Variants in PHLDB1 observed in about 807,000 individuals in gnomAD.
PHLDB1 encodes the protein pleckstrin homology like domain family B member 1, also known as pleckstrin homology-like domain family B member 1.
PHLDB1 carries 65 observed loss-of-function variants against 139.3 expected under a neutral mutation model. The observed-to-expected ratio is 0.47, with a 90% CI of 0.38 to 0.57. The LOEUF (loss-of-function observed/expected upper bound fraction) is 0.57, where lower values mean the gene tolerates loss of function less well. PHLDB1 is among the 20% of genes least tolerant of loss of function. The pLI is 0.00. For synonymous variants in PHLDB1, 679 were observed against 734.5 expected (o/e 0.92, Z 1.22); for missense variants, 1,624 against 1,839.7 (o/e 0.88, Z 2.14).
At chr11:118,656,134 A>G (rs1355164694) in intron 22 of PHLDB1, among the ~76,000 whole-genome samples, 1 of 151,126 alleles carries the variant, frequency 6.6e-6, no homozygotes, top group Non-Finnish European at 1.5e-5. Context: ...GGATGGCCGG[A>G]AGGGGTGGAG....
Position 118,627,536 on chromosome 11 carries a change from GC to G in PHLDB1, c.717del (p.Gly240AlafsTer74). ...GGRYLLSPPTSPGAMSVGSSY... is the reference protein window; with the variant it reads ...GGRYLLSPPTXPGAMSVGSSY... ...CGCTACCTGCTGTCTCCCCCAACCA[GC>G]CCCGGCGCCATGTCTGTGGGCTCCA... On this transcript the variant is annotated frameshift_variant, in exon 6 of 23. Coordinates refer to ENST00000600882, the MANE Select transcript of PHLDB1 (RefSeq NM_001144758.3). LOFTEE classifies it high-confidence loss of function. 6.2e-7 allele frequency: 1 copy of G among 1,614,160 alleles called. No homozygotes were observed. The highest frequency in any genetic ancestry group is 8.5e-7 in the Non-Finnish European group (1 of 1,180,024).
intron 4 of PHLDB1, among the ~76,000 whole-genome samples, chr11:118,622,990 A>G (rs1555096568): frequency 6.6e-6 from 1 of 152,170 alleles, no homozygotes; most frequent in Non-Finnish European, 1.5e-5. Context: ...GTTATCTGCC[A>G]TGGGCTTCTC....
At chr11:118,636,727 G>A (rs551331998) in intron 10 of PHLDB1, 1 of 152,284 alleles carries the variant, frequency 6.6e-6, no homozygotes, top group South Asian at 2.1e-4. Flanking sequence ...CAAATCCCAC[G>A]TTCCTTCGAC....
chr11:118,629,349 G>A (rs1944404342), intron 6 of PHLDB1, among the ~76,000 whole-genome samples: 1 of 152,242 alleles, frequency 6.6e-6, no homozygotes, highest in South Asian at 2.1e-4. Flanking sequence ...CAGGGGCTGG[G>A]TGTGGCTCTA....
chr11:118,639,290 C>G (rs372189908), intron 12 of PHLDB1, 39 bp downstream of exon 12: 17 of 1,511,386 alleles, frequency 1.1e-5, no homozygotes, highest in Non-Finnish European at 1.6e-5. Context: ...AGGCCCAAGG[C>G]GTGTCCTGGG....
intron 6 of PHLDB1, chr11:118,629,862 A>T: frequency 2.5e-6 from 1 of 404,666 alleles, no homozygotes; most frequent in Non-Finnish European, 4.4e-6. Context: ...CCATTCCCAC[A>T]CATAAGCACA....
rs1370511049 is a variant in PHLDB1, at chr11:118,627,886, C to T, written c.1063C>T (p.Gln355Ter). The part of the protein sequence containing the change: ...RATESPRLGG[Q>*]LPVVAISLSE... ...CACTGAGAGCCCCCGGCTGGGTGGG[C>T]AGCTGCCTGTGGTGGCCATCAGCCT... Residue 355 changes from glutamine (Q) to a stop codon, truncating the protein, a stop_gained, in exon 6 of 23, where the codon CAG becomes TAG. Transcript: ENST00000600882. LOFTEE classifies it high-confidence loss of function. The T allele has an allele frequency of 6.2e-7, 1 of 1,610,298 alleles. No homozygotes were observed. Among genetic ancestry groups the T allele is most frequent in the Non-Finnish European group, 8.5e-7 (1 of 1,179,952 alleles).
At chr11:118,624,912 C>G (rs1424613236) in intron 4 of PHLDB1, 22 bp from the exon 5 acceptor site, 4 of 1,613,666 alleles carry the variant, frequency 2.5e-6, no homozygotes, top group East Asian at 2.2e-5. Context: ...ACCTGGTCTT[C>G]AAGTGTTTGC....
chr11:118,635,385 C>T lies in PHLDB1; in HGVS notation c.2380-8C>T. 1 of 1,571,756 alleles carries T rather than the reference C, an allele frequency of 6.4e-7. No homozygotes were observed. The highest frequency in any genetic ancestry group is 8.6e-7 in the Non-Finnish European group (1 of 1,161,224). ...ACCACCCAACCCCCTTTGTCACTGT[C>T]GTTGAAGGAGGCAGAGGCCCTGGAG... On this transcript the variant is annotated splice_polypyrimidine_tract_variant and splice_region_variant and intron_variant, in intron 9 of 22. Coordinates refer to ENST00000600882, the MANE Select transcript of PHLDB1 (RefSeq NM_001144758.3).
chr11:118,641,779 C>G (rs1420040315), intron 12 of PHLDB1: 1 of 1,288,746 alleles, frequency 7.8e-7, no homozygotes, highest in African/African-American at 1.5e-5. Flanking sequence ...CACGCCTTCA[C>G]CTAAGGTTGG....
rs1944186174 is a variant in PHLDB1 at position 118,628,146 on chromosome 11, TG to T, written c.1324del (p.Glu442ArgfsTer19). 1.9e-6 allele frequency: 3 copies of T among 1,614,038 alleles called. No homozygotes were observed. The highest frequency in any genetic ancestry group is 2.5e-6 in the Non-Finnish European group (3 of 1,179,986). On this transcript the variant is annotated frameshift_variant, in exon 6 of 23. Transcript: ENST00000600882. LOFTEE classifies it high-confidence loss of function. Reference protein sequence around the residue: ...GLATRTLQPPESPRLGRRGLD... With the variant: ...GLATRTLQPPXSPRLGRRGLD... ...TAGCCACCCGTACCCTGCAGCCTCCTGAGAGTCCCCGCCTGGGCCGGCGGGG... is the reference window on the plus strand; with the variant it reads ...TAGCCACCCGTACCCTGCAGCCTCCTAGAGTCCCCGCCTGGGCCGGCGGGG...
At chr11:118,636,391 G>A (rs1945654757) in intron 10 of PHLDB1, among the ~76,000 whole-genome samples, 1 of 152,146 alleles carries the variant, frequency 6.6e-6, no homozygotes, top group Admixed American at 6.5e-5. Context: ...GGTAAGTGGG[G>A]AGCTGCTGGA....
chr11:118,614,505 G>T (rs1392902542), intron 2 of PHLDB1, 54 bp from the exon 3 acceptor site: 1 of 1,602,386 alleles, frequency 6.2e-7, no homozygotes, highest in African/African-American at 1.3e-5. Context: ...ACTGGTTTAG[G>T]GTGGTAAGGT....
intron 10 of PHLDB1, 69 bp downstream of exon 10, chr11:118,635,617 C>T: frequency 7.4e-7 from 1 of 1,342,680 alleles, no homozygotes; most frequent in Non-Finnish European, 9.8e-7. Flanking sequence ...TCCCAATGAC[C>T]TCACAAAAGT....
Position 118,623,994 on chromosome 11 carries a change from G to C in PHLDB1, c.356-940G>C, listed in dbSNP as rs142941747. 5.2e-3 allele frequency: 789 copies of C among 151,854 alleles called. 4 individuals carry two copies. The highest frequency in any genetic ancestry group is 8.6e-3 in the Admixed American group (131 of 15,216). 9.4% of individuals were successfully genotyped at this position (151,854 alleles called of 1,614,324 possible). Reference sequence around the variant, plus strand: ...GGCTCACTGCAGCCTCTGCCTCCTGGATTCAAGCAATTCTCTTGCCTCAGC... The same window carrying C: ...GGCTCACTGCAGCCTCTGCCTCCTGCATTCAAGCAATTCTCTTGCCTCAGC... On this transcript the variant is annotated intron_variant, in intron 4 of 22. Transcript: ENST00000600882.
intron 2 of PHLDB1, 126 bp downstream of exon 2, chr11:118,614,022 T>A: frequency 1.5e-6 from 1 of 653,252 alleles, no homozygotes; most frequent in Admixed American, 2.4e-5. Flanking sequence ...CTTCCCCAGG[T>A]CCCAAGCCTA....
chr11:118,650,069 G>A lies in PHLDB1; in HGVS notation c.3655-8G>A. 6.2e-7 allele frequency: 1 copy of A among 1,606,738 alleles called. No homozygotes were observed. Among genetic ancestry groups the A allele is most frequent in the Non-Finnish European group, 8.5e-7 (1 of 1,173,236 alleles). On this transcript the variant is annotated splice_region_variant and splice_polypyrimidine_tract_variant and intron_variant, in intron 18 of 22. Transcript: ENST00000600882. The surrounding 1 kb of genome is among the most constrained non-coding windows in gnomAD (Gnocchi z 4.7). ...GGAGACTCTCCTGACCCTCCCTCTT[G>A]CTCCCAGGCACGACCCCTGACCCGC... is the stretch of plus-strand genomic sequence containing the variant.
At position 118,625,071 on chromosome 11, in the gene PHLDB1, C is replaced by G. The variant is rs367840109; in HGVS notation, c.481+12C>G. ...CAGCCCTGTTCCTGGTAGGTACCGA[C>G]GGGGGCAGGGTGCTGGGTTGATGGT... On this transcript the variant is annotated intron_variant, in intron 5 of 22. Coordinates refer to ENST00000600882, the MANE Select transcript of PHLDB1 (RefSeq NM_001144758.3). 1.3e-6 allele frequency: 2 copies of G among 1,590,098 alleles called. No individual in the cohort carries two copies.
Position 118,657,467 on chromosome 11 carries a change from C to T in PHLDB1, c.*644C>T, listed in dbSNP as rs1949173094. The T allele has an allele frequency of 6.5e-6, 1 of 152,976 alleles. No homozygotes were observed. Among genetic ancestry groups the T allele is most frequent in the African/African-American group, 2.4e-5 (1 of 41,428 alleles). 9.5% of individuals were successfully genotyped at this position (152,976 alleles called of 1,614,324 possible). On this transcript the variant is annotated 3_prime_UTR_variant, in exon 23 of 23. Coordinates refer to ENST00000600882, the MANE Select transcript of PHLDB1 (RefSeq NM_001144758.3). ...CTGTGGGCCATCTGAGGGTACGTGC[C>T]ATCATCTCTCCAGCCCAGGCCCCTG... is the stretch of plus-strand genomic sequence containing the variant.
Sources: gnomAD v4.1 joint callset for allele counts (sites outside exome capture counted in the v4.1 genomes callset) on GRCh38, gnomAD v4.1.1 for gene constraint, Gnocchi (gnomAD v3.1) non-coding constraint, MANE v1.5 for transcripts, NCBI Gene and HGNC (gene_info 2026-07-23, HGNC 2026-07-21) for gene names.